The following STX8 variants were observed in gnomAD, a reference collection of about 807,000 sequenced individuals.
STX8 encodes the protein syntaxin 8, also known as syntaxin-8.
Under a neutral mutation model 37.5 loss-of-function variants are expected in STX8, and 23 were observed. The ratio of observed to expected loss-of-function variants is 0.61; its 90% CI spans 0.44 to 0.87. STX8 has a LOEUF of 0.87. Ranked by LOEUF, STX8 falls within the 40% of genes least tolerant of loss-of-function variation. The pLI is 0.00. For synonymous variants in STX8, 115 were observed against 99.1 expected (o/e 1.16, Z -0.95); for missense variants, 313 against 284.7 (o/e 1.10, Z -0.71).
chr17:9,356,960 GTTTTTTTTTTT>G (rs140965935), intron 7 of STX8, among the ~76,000 whole-genome samples: 3 of 61,748 alleles, frequency 4.9e-5, no homozygotes, highest in African/African-American at 1.2e-4. Context: ...CCTTTTAACA[GTTTTTTTTTTT>G]TTTTTTTTTT....
At chr17:9,361,138 A>C (rs1330433540) in intron 7 of STX8, among the ~76,000 whole-genome samples, 1 of 152,188 alleles carries the variant, frequency 6.6e-6, no homozygotes, top group Non-Finnish European at 1.5e-5. Context: ...GGTGAGCCAA[A>C]AAATAAATAC....
chr17:9,431,989 A>T (rs6503201), intron 6 of STX8, among the ~76,000 whole-genome samples: 50,543 of 152,082 alleles, frequency 0.33, 9,745 homozygotes, highest in African/African-American at 0.53. Context: ...ATAAAATCAA[A>T]CATTTCAAAA....
rs528470248 is a variant in STX8 at position 9,288,587 on chromosome 17, G to A, written c.644-37942C>T. ...TGAGGCAGGAGAATGCCGTGAACCC[G>A]GGAGGTGGAGCTTGCAGTGAGCCGA... On this transcript the variant is annotated intron_variant, in intron 7 of 7. Transcript: ENST00000306357. 1.2e-3 allele frequency among the ~76,000 whole-genome samples: 189 copies of A among 152,078 alleles called. 4 individuals carry two copies. Among genetic ancestry groups the A allele is most frequent in the Admixed American group, 0.011 (173 of 15,272 alleles).
intron 6 of STX8, among the ~76,000 whole-genome samples, chr17:9,484,641 C>G (rs1339096268): frequency 1.4e-5 from 2 of 143,120 alleles, no homozygotes; most frequent in African/African-American, 5.3e-5. Flanking sequence ...CATGGTGAAA[C>G]CCTGTCTCTA....
chr17:9,323,284 T>C (rs773684521), intron 7 of STX8, among the ~76,000 whole-genome samples: 18 of 150,926 alleles, frequency 1.2e-4, no homozygotes, highest in Non-Finnish European at 2.5e-4. Context: ...GGGTTTAAAA[T>C]AGAAAAAAAG....
chr17:9,529,733 C>G (rs1234533276), intron 4 of STX8, among the ~76,000 whole-genome samples: 2 of 152,168 alleles, frequency 1.3e-5, no homozygotes, highest in Non-Finnish European at 2.9e-5. Flanking sequence ...ATTGTTAATT[C>G]TCATTTGCTG....
chr17:9,445,814 G>T (rs1333261378), intron 6 of STX8, among the ~76,000 whole-genome samples: 1 of 150,456 alleles, frequency 6.6e-6, no homozygotes, highest in South Asian at 2.1e-4. Context: ...TTTCCTTAAA[G>T]AATATACATT....
At chr17:9,365,888 G>A (rs541092585) in intron 7 of STX8, among the ~76,000 whole-genome samples, 25 of 152,152 alleles carry the variant, frequency 1.6e-4, no homozygotes, top group Non-Finnish European at 3.5e-4. Context: ...CAGGAGAATC[G>A]TTTGAACCCA....
intron 6 of STX8, among the ~76,000 whole-genome samples, chr17:9,420,966 C>A (rs186773960): frequency 1.3e-5 from 2 of 152,276 alleles, no homozygotes; most frequent in Admixed American, 6.5e-5. Context: ...AGTTTCTCAG[C>A]GGGCTCTCTG....
At chr17:9,504,919 A>G in intron 5 of STX8, 119 bp downstream of exon 5, 1 of 1,059,242 alleles carries the variant, frequency 9.4e-7, no homozygotes. Context: ...GGTTGCAGTG[A>G]GCCAAGATCA....
At chr17:9,332,381 G>A (rs945276436) in intron 7 of STX8, among the ~76,000 whole-genome samples, 1 of 152,132 alleles carries the variant, frequency 6.6e-6, no homozygotes, top group Non-Finnish European at 1.5e-5. Context: ...TCAGATCGAC[G>A]TGCTGCCTTT....
intron 6 of STX8, among the ~76,000 whole-genome samples, chr17:9,425,086 G>A: frequency 6.6e-6 from 1 of 152,234 alleles, no homozygotes; most frequent in East Asian, 1.9e-4. Flanking sequence ...TAGGACAGAG[G>A]CCACAGTTTC....
chr17:9,536,018 G>A (rs1906035955), intron 4 of STX8, among the ~76,000 whole-genome samples: 1 of 152,190 alleles, frequency 6.6e-6, no homozygotes, highest in African/African-American at 2.4e-5. Flanking sequence ...AAAAGATGGA[G>A]GGAGATAATA....
intron 7 of STX8, among the ~76,000 whole-genome samples, chr17:9,273,843 AG>A (rs1469632617): frequency 5.3e-5 from 8 of 152,088 alleles, no homozygotes; most frequent in Non-Finnish European, 7.3e-5. Flanking sequence ...TTTGCGTGGC[AG>A]GCCTCAATGC....
chr17:9,503,121 A>AAAG (rs1904686034), intron 5 of STX8, among the ~76,000 whole-genome samples: 1 of 151,054 alleles, frequency 6.6e-6, no homozygotes, highest in Admixed American at 6.6e-5. Flanking sequence ...AAAAAAAAAA[A>AAAG]AAAAAAGAGT....
intron 7 of STX8, among the ~76,000 whole-genome samples, chr17:9,298,766 C>A (rs1908658364): frequency 6.6e-6 from 1 of 152,140 alleles, no homozygotes; most frequent in African/African-American, 2.4e-5. Flanking sequence ...GAGCCGAGAT[C>A]ACGCCACTGC....
At chr17:9,342,912 T>C (rs1168741216) in intron 7 of STX8, among the ~76,000 whole-genome samples, 1 of 151,244 alleles carries the variant, frequency 6.6e-6, no homozygotes, top group African/African-American at 2.4e-5. Context: ...TCCCAGCTAC[T>C]TGGGAGGCTG....
chr17:9,501,895 A>G (rs7406877), intron 5 of STX8, among the ~76,000 whole-genome samples: 108,334 of 151,776 alleles, frequency 0.71, 38,922 homozygotes, highest in Middle Eastern at 0.86. Context: ...CGTGAACCTG[A>G]GAGGTGGAGC....
intron 6 of STX8, among the ~76,000 whole-genome samples, chr17:9,416,657 A>G (rs751088683): frequency 2.0e-5 from 3 of 152,114 alleles, no homozygotes; most frequent in Admixed American, 2.0e-4. Flanking sequence ...GTGAGCCACC[A>G]CGCCCGGCCT....
Sources: gnomAD v4.1 joint callset for allele counts (sites outside exome capture counted in the v4.1 genomes callset) on GRCh38, gnomAD v4.1.1 for gene constraint, MANE v1.5 for transcripts, NCBI Gene and HGNC (gene_info 2026-07-23, HGNC 2026-07-21) for gene names.